Variants in ITPR2 observed in about 807,000 individuals in gnomAD.
ITPR2 encodes inositol 1,4,5-trisphosphate receptor type 2, also known as inositol 1,4,5-trisphosphate-gated calcium channel ITPR2.
Under a neutral mutation model 317.1 loss-of-function variants are expected in ITPR2, and 207 were observed. The ratio of observed to expected loss-of-function variants is 0.65; its 90% CI spans 0.58 to 0.73. The LOEUF is 0.73. ITPR2 is among the 30% of genes least tolerant of loss of function. The pLI, the probability that ITPR2 is intolerant of heterozygous loss-of-function variation, is 0.00. For missense variants in ITPR2, 2,613 were observed against 3,284.0 expected, an observed-to-expected ratio of 0.80 and a Z score of 4.99; for synonymous variants, 1,156 against 1,149.1, an observed-to-expected ratio of 1.01 and a Z score of -0.12.
At chr12:26,758,222 T>C (rs1463968972) in intron 2 of ITPR2, among the ~76,000 whole-genome samples, 1 of 152,226 alleles carries the variant, frequency 6.6e-6, no homozygotes, top group African/African-American at 2.4e-5. Context: ...ATAGTATACA[T>C]AAAAGCATAT....
At chr12:26,798,367 C>T (rs1429573705) in intron 1 of ITPR2, among the ~76,000 whole-genome samples, 2 of 152,182 alleles carry the variant, frequency 1.3e-5, no homozygotes, top group Admixed American at 1.3e-4. Flanking sequence ...TGTTTTGTGA[C>T]TAGAGTTGGC....
At chr12:26,790,290 A>AATATCCATGTGCAGT in intron 1 of ITPR2, 63 bp from the exon 2 acceptor site, 1 of 1,231,364 alleles carries the variant, frequency 8.1e-7, no homozygotes, top group Non-Finnish European at 1.2e-6. Context: ...CACAGACTGC[A>AATATCCATGTGCAGT]CATGGATATT....
rs116133971 is a variant in ITPR2, at chr12:26,534,728, C to T, written c.5073+15519G>A. ...AACATTTCAGTTTAAATGTTGAACACTTAAGGAATTGTCCCTAGTTTAGAT... is the reference window on the plus strand; with the variant it reads ...AACATTTCAGTTTAAATGTTGAACATTTAAGGAATTGTCCCTAGTTTAGAT... On this transcript the variant is annotated intron_variant, in intron 37 of 56. Transcript: ENST00000381340. Among the ~76,000 whole-genome samples the T allele has an allele frequency of 7.9e-3, 1,210 of 152,244 alleles. 13 individuals carry two copies. The highest frequency in any genetic ancestry group is 0.028 in the African/African-American group (1,151 of 41,534).
intron 14 of ITPR2, 140 bp from the exon 15 acceptor site, chr12:26,663,986 T>C (rs2136921325): frequency 1.3e-6 from 1 of 766,240 alleles, no homozygotes; most frequent in South Asian, 2.2e-5. Context: ...CAAAAGGATT[T>C]ACGTTACAGG....
intron 2 of ITPR2, among the ~76,000 whole-genome samples, chr12:26,748,842 G>A (rs1223425863): frequency 6.6e-6 from 1 of 152,200 alleles, no homozygotes; most frequent in East Asian, 1.9e-4. Context: ...GTACAAAGAT[G>A]TCTAGCAGGG....
intron 2 of ITPR2, among the ~76,000 whole-genome samples, chr12:26,731,106 T>C (rs930371283): frequency 7.5e-6 from 1 of 132,620 alleles, no homozygotes; most frequent in Admixed American, 8.1e-5. Context: ...GCCAGCAGTA[T>C]CCTTTGGCAA....
chr12:26,724,018 A>G (rs780129756), intron 4 of ITPR2, among the ~76,000 whole-genome samples: 1 of 152,188 alleles, frequency 6.6e-6, no homozygotes. Context: ...CCCGATTTCA[A>G]TTTATTCATC....
At chr12:26,485,773 G>C (rs1942651321) in intron 41 of ITPR2, among the ~76,000 whole-genome samples, 1 of 152,158 alleles carries the variant, frequency 6.6e-6, no homozygotes, top group South Asian at 2.1e-4. Flanking sequence ...GAAAGATATA[G>C]ATGAGACAAA....
intron 55 of ITPR2, 120 bp downstream of exon 55, chr12:26,387,314 T>G (rs1027869923): frequency 2.1e-6 from 2 of 935,302 alleles, no homozygotes; most frequent in Non-Finnish European, 1.6e-6. Context: ...ACAGGCCTAT[T>G]TAAATGTTAA....
At chr12:26,342,211 G>GC (rs1938138625) in intron 55 of ITPR2, among the ~76,000 whole-genome samples, 1 of 152,146 alleles carries the variant, frequency 6.6e-6, no homozygotes. Context: ...GATCAATAGA[G>GC]TGGTGGTTGA....
At chr12:26,715,503 T>C in intron 7 of ITPR2, 58 bp from the exon 8 acceptor site, 1 of 1,521,566 alleles carries the variant, frequency 6.6e-7, no homozygotes, top group South Asian at 1.2e-5. Context: ...GGTGTCTCTT[T>C]CTGGTTTTGC....
At chr12:26,726,880 CAAT>C (rs1175268756) in intron 2 of ITPR2, among the ~76,000 whole-genome samples, 2 of 152,052 alleles carry the variant, frequency 1.3e-5, no homozygotes, top group Non-Finnish European at 2.9e-5. Flanking sequence ...AAAAACAAGA[CAAT>C]GATGATTTTT....
At chr12:26,650,617 C>T (rs1481933352) in intron 21 of ITPR2, among the ~76,000 whole-genome samples, 1 of 152,144 alleles carries the variant, frequency 6.6e-6, no homozygotes, top group African/African-American at 2.4e-5. Flanking sequence ...AAAAAAATGT[C>T]TTTAATAAAA....
intron 54 of ITPR2, among the ~76,000 whole-genome samples, chr12:26,394,282 T>C (rs1190584722): frequency 6.6e-6 from 1 of 152,186 alleles, no homozygotes; most frequent in Non-Finnish European, 1.5e-5. Context: ...ATGCATTTTC[T>C]TTGATATGAG....
At chr12:26,342,955 A>C (rs549534715) in intron 55 of ITPR2, among the ~76,000 whole-genome samples, 149 of 152,016 alleles carry the variant, frequency 9.8e-4, no homozygotes, top group African/African-American at 2.3e-3. Context: ...GGAGTGGATT[A>C]GTTCCCATGA....
chr12:26,786,593 C>A (rs1162636429), intron 2 of ITPR2, among the ~76,000 whole-genome samples: 1 of 151,948 alleles, frequency 6.6e-6, no homozygotes, highest in African/African-American at 2.4e-5. Context: ...TTTGAAATAA[C>A]CCTTTGGAAA....
chr12:26,711,350 C>T, intron 8 of ITPR2, 82 bp from the exon 9 acceptor site: 2 of 927,204 alleles, frequency 2.2e-6, no homozygotes, highest in Non-Finnish European at 3.6e-6. Context: ...CATGCCTGCC[C>T]TCCTGTTAAT....
chr12:26,656,927 T>C (rs965856764), intron 18 of ITPR2, among the ~76,000 whole-genome samples: 1 of 152,196 alleles, frequency 6.6e-6, no homozygotes, highest in African/African-American at 2.4e-5. Flanking sequence ...AGCTCTAGTG[T>C]CTACACTCCA....
intron 13 of ITPR2, among the ~76,000 whole-genome samples, chr12:26,670,264 C>T (rs1947732646): frequency 6.6e-6 from 1 of 152,138 alleles, no homozygotes; most frequent in Admixed American, 6.5e-5. Flanking sequence ...GTCCCTGACC[C>T]CTGACCCCTG....
Sources: allele counts gnomAD v4.1 joint callset (sites outside exome capture counted in the v4.1 genomes callset), GRCh38; gene constraint gnomAD v4.1.1; transcripts MANE v1.5; gene names NCBI Gene and HGNC (gene_info 2026-07-23, HGNC 2026-07-21).